The following PCDHA1 variants were observed in gnomAD, a reference collection of about 807,000 sequenced individuals.
PCDHA1 encodes the protein protocadherin alpha-1.
Under a neutral mutation model 61.3 loss-of-function variants are expected in PCDHA1, and 42 were observed. The observed-to-expected ratio is 0.69, with a 90% CI of 0.54 to 0.89. The LOEUF is 0.89. PCDHA1 is among the 40% of genes least tolerant of loss of function. PCDHA1 has a pLI of 0.00. For missense variants in PCDHA1, 1,256 were observed against 1,235.3 expected (o/e 1.02, Z -0.25); for synonymous variants, 610 against 553.8 (o/e 1.10, Z -1.43).
chr5:140,985,975 G>A (rs2097182023), intron 3 of PCDHA1, among the ~76,000 whole-genome samples: 2 of 152,148 alleles, frequency 1.3e-5, no homozygotes, highest in South Asian at 2.1e-4. Flanking sequence ...TCCTGACCTC[G>A]TGATCCGCCC....
intron 3 of PCDHA1, among the ~76,000 whole-genome samples, chr5:141,001,099 C>A (rs1554258004): frequency 6.6e-6 from 1 of 151,694 alleles, no homozygotes; most frequent in African/African-American, 2.4e-5. Context: ...CTGTCTAATC[C>A]ATAATAAGCA....
At position 140,809,306 on chromosome 5, in the gene PCDHA1, G is replaced by T. The variant is rs17844285; in HGVS notation, c.2394+20622G>T. 2.6e-3 allele frequency: 4,249 copies of T among 1,614,114 alleles called. 99 individuals are homozygous for T. The East Asian group carries it at 0.049, about 19-fold the overall frequency. On this transcript the variant is annotated intron_variant, in intron 1 of 3. Transcript: ENST00000504120. ...ATACCTGATCATTGCCATCTGCGCG[G>T]TGTCCAGCCTTTTGGTGCTCACGCT...
At chr5:140,834,573 T>C (rs1773106478) in intron 1 of PCDHA1, 1 of 1,614,010 alleles carries the variant, frequency 6.2e-7, no homozygotes, top group South Asian at 1.1e-5. Context: ...GCCGCGCCTG[T>C]TCCGGGCGGT....
intron 1 of PCDHA1, chr5:140,884,317 G>A (rs1401667312): frequency 3.1e-6 from 5 of 1,613,662 alleles, no homozygotes; most frequent in African/African-American, 2.7e-5. Flanking sequence ...CGAGGGCGTC[G>A]GCAGGCGCTG....
intron 1 of PCDHA1, among the ~76,000 whole-genome samples, chr5:140,847,173 G>A (rs1554141670): frequency 6.7e-6 from 1 of 149,492 alleles, no homozygotes; most frequent in African/African-American, 2.4e-5. Context: ...ATAAACTAAA[G>A]GGCCATGAGT....
intron 1 of PCDHA1, among the ~76,000 whole-genome samples, chr5:140,921,929 A>G (rs2080500807): frequency 6.6e-6 from 1 of 152,244 alleles, no homozygotes; most frequent in East Asian, 1.9e-4. Flanking sequence ...CTTATAGTCA[A>G]TATAATTTTA....
intron 1 of PCDHA1, chr5:140,883,960 G>T (rs2059914384): frequency 3.1e-6 from 5 of 1,613,090 alleles, no homozygotes; most frequent in Non-Finnish European, 4.2e-6. Flanking sequence ...ACGCTCCGGC[G>T]CTGCTGACGC....
At chr5:140,854,852 A>G (rs1161281269) in intron 1 of PCDHA1, among the ~76,000 whole-genome samples, 1 of 149,940 alleles carries the variant, frequency 6.7e-6, no homozygotes, top group African/African-American at 2.4e-5. Flanking sequence ...TGATAAAATT[A>G]CTAGATATAT....
chr5:140,884,589 C>T, intron 1 of PCDHA1: 1 of 1,614,146 alleles, frequency 6.2e-7, no homozygotes, highest in Non-Finnish European at 8.5e-7. Flanking sequence ...GCCTTCAGTC[C>T]CAGCCTTCCT....
chr5:140,926,652 C>T, intron 1 of PCDHA1: 1 of 499,312 alleles, frequency 2.0e-6, no homozygotes, highest in East Asian at 3.6e-5. Flanking sequence ...CGGCCGGCTC[C>T]GCTTTCCCAG....
chr5:140,867,666 C>T (rs2050094280), intron 1 of PCDHA1: 1 of 152,038 alleles, frequency 6.6e-6, no homozygotes, highest in Non-Finnish European at 1.5e-5. Context: ...ACTTTCTACT[C>T]TAAAATTTTG....
intron 1 of PCDHA1, among the ~76,000 whole-genome samples, chr5:140,939,879 T>C (rs565550218): frequency 2.0e-5 from 3 of 152,208 alleles, no homozygotes; most frequent in Non-Finnish European, 4.4e-5. Flanking sequence ...CTTTGCTAGT[T>C]GTGTTGTTCA....
chr5:140,985,084 T>A (rs2097135513), intron 3 of PCDHA1, among the ~76,000 whole-genome samples: 1 of 151,986 alleles, frequency 6.6e-6, no homozygotes. Context: ...ACTACAGGCG[T>A]GTGCCACCAA....
intron 1 of PCDHA1, chr5:140,810,575 G>A (rs1292598382): frequency 6.6e-6 from 1 of 152,176 alleles, no homozygotes; most frequent in Non-Finnish European, 1.5e-5. Flanking sequence ...AAATGAAGTT[G>A]AGTACCTTTC....
At chr5:140,895,253 CT>C (rs1411327383) in intron 1 of PCDHA1, among the ~76,000 whole-genome samples, 2 of 151,968 alleles carry the variant, frequency 1.3e-5, no homozygotes, top group Non-Finnish European at 2.9e-5. Context: ...TCAAAGCTTT[CT>C]TTTTTTTCTT....
chr5:140,813,571 G>C (rs1008971816), intron 1 of PCDHA1: 1 of 152,176 alleles, frequency 6.6e-6, no homozygotes. Context: ...TGGAGACTGC[G>C]GGGCTGGAAA....
intron 1 of PCDHA1, chr5:140,850,066 A>G (rs1554143711): frequency 6.3e-7 from 1 of 1,596,292 alleles, no homozygotes; most frequent in African/African-American, 1.3e-5. Flanking sequence ...CAGCCGTTGG[A>G]CCACGAGGAG....
chr5:140,996,262 C>G (rs943119390), intron 3 of PCDHA1, among the ~76,000 whole-genome samples: 1 of 152,182 alleles, frequency 6.6e-6, no homozygotes. Flanking sequence ...CAACACAGAG[C>G]CTGGGATTGC....
chr5:140,823,218 G>A (rs2150123612), intron 1 of PCDHA1: 9 of 1,613,766 alleles, frequency 5.6e-6, no homozygotes, highest in Non-Finnish European at 7.6e-6. Context: ...CACGGGACGC[G>A]GACGCGCAGG....
Sources: allele counts gnomAD v4.1 joint callset (sites outside exome capture counted in the v4.1 genomes callset), GRCh38; gene constraint gnomAD v4.1.1; transcripts MANE v1.5; gene names NCBI Gene and HGNC (gene_info 2026-07-23, HGNC 2026-07-21).